DHRS7C: variants seen among roughly 807,000 people sequenced by gnomAD.
DHRS7C encodes the protein dehydrogenase/reductase SDR family member 7C.
DHRS7C carries 28 observed loss-of-function variants against 29.6 expected under a neutral mutation model. The observed-to-expected ratio is 0.95, with a 90% CI of 0.70 to 1.30. The LOEUF (loss-of-function observed/expected upper bound fraction) is 1.30. DHRS7C is among the 50% of genes most tolerant of loss of function. The pLI, the probability that DHRS7C is intolerant of heterozygous loss-of-function variation, is 0.00. For missense variants in DHRS7C, 403 were observed against 393.3 expected (o/e 1.02, Z -0.21); for synonymous variants, 158 against 160.2 (o/e 0.99, Z 0.10).
intron 4 of DHRS7C, 67 bp from the exon 5 acceptor site, chr17:9,772,989 G>A (rs2066340624): frequency 1.3e-6 from 2 of 1,572,322 alleles, no homozygotes; most frequent in Non-Finnish European, 8.6e-7. Context: ...TGGGCGCATT[G>A]GAGGCAGGAG....
At chr17:9,777,336 G>T in intron 3 of DHRS7C, 51 bp from the exon 4 acceptor site, 1 of 1,496,726 alleles carries the variant, frequency 6.7e-7, no homozygotes, top group South Asian at 1.2e-5. Context: ...GACTGAGTTA[G>T]GCAGCAGCAG....
intron 1 of DHRS7C, among the ~76,000 whole-genome samples, chr17:9,786,223 A>T (rs997400031): frequency 6.6e-6 from 1 of 151,820 alleles, no homozygotes; most frequent in Non-Finnish European, 1.5e-5. Flanking sequence ...GCTACTCCGG[A>T]GGCTGAGGCA....
chr17:9,786,323 G>T (rs918778278), intron 1 of DHRS7C, among the ~76,000 whole-genome samples: 1 of 128,588 alleles, frequency 7.8e-6, no homozygotes, highest in East Asian at 2.2e-4. Flanking sequence ...GCAAAACTCC[G>T]TCTCAAATAA....
chr17:9,791,304 G>T lies in DHRS7C; in HGVS notation c.-20C>A, dbSNP rs777545444. On this transcript the variant is annotated 5_prime_UTR_variant, in exon 1 of 6. Transcript: ENST00000571134. The stretch of plus-strand genomic sequence containing the variant: ...TCCCATCTTGTTCTGGGGGACAACG[G>T]AGTAAAAGGGGATTGGCTTTGCAAA... 6.2e-7 allele frequency: 1 copy of T among 1,612,306 alleles called. No homozygotes were observed. The highest frequency in any genetic ancestry group is 8.5e-7 in the Non-Finnish European group (1 of 1,179,200).
Position 9,774,799 on chromosome 17 carries a change from A to G in DHRS7C, c.572-1877T>C, listed in dbSNP as rs1359623262. On this transcript the variant is annotated intron_variant, in intron 4 of 5. Coordinates refer to ENST00000571134, the MANE Select transcript of DHRS7C (RefSeq NM_001105571.3). The surrounding 1 kb of genome is among the most constrained non-coding windows in gnomAD (Gnocchi z 5.0). ...AGAAACCTCTGAGTCGGCAGACCCC[A>G]GGTCACTCCCACGCCAGCTCCTTGT... 2.6e-5 allele frequency among the ~76,000 whole-genome samples: 4 copies of G among 152,180 alleles called. No individual in the cohort carries two copies. Among genetic ancestry groups the G allele is most frequent in the Admixed American group, 6.5e-5 (1 of 15,282 alleles).
At position 9,771,498 on chromosome 17, in the gene DHRS7C, T is replaced by C. The variant is rs1302873274; in HGVS notation, c.926A>G (p.Glu309Gly). The C allele has an allele frequency of 1.3e-6, 2 of 1,535,002 alleles. No homozygotes were observed. Among genetic ancestry groups the C allele is most frequent in the East Asian group, 2.4e-5 (1 of 41,698 alleles). The change falls in exon 6 of 6, where the codon GAG becomes GGG. Residue 309 changes from glutamate (E) to glycine (G), a missense_variant. Glu to Gly is a moderately conservative substitution (Grantham distance 98). Transcript: ENST00000571134. ...TTTGGCCTCCTGCAGTTACCCCTCC[T>C]CCGGGACATTGAGCTTCTCCTTCAC... ...CGVKEKLNVP[E>G]EG
intron 4 of DHRS7C, among the ~76,000 whole-genome samples, chr17:9,773,749 G>C (rs1223711530): frequency 2.5e-5 from 3 of 117,690 alleles, no homozygotes; most frequent in African/African-American, 9.5e-5. Context: ...TTTTGAGACG[G>C]CGTCTCACTC....
chr17:9,782,718 T>C (rs956527871), intron 1 of DHRS7C, among the ~76,000 whole-genome samples: 5 of 152,212 alleles, frequency 3.3e-5, no homozygotes, highest in African/African-American at 1.2e-4. Flanking sequence ...ACTGACCAAA[T>C]ACAGGGATCT....
intron 3 of DHRS7C, among the ~76,000 whole-genome samples, chr17:9,779,170 CTA>C (rs2066379476): frequency 6.6e-6 from 1 of 152,162 alleles, no homozygotes; most frequent in African/African-American, 2.4e-5. Context: ...CTATTCTACT[CTA>C]TGGTCATTTC....
chr17:9,784,490 A>G (rs1471498141), intron 1 of DHRS7C, among the ~76,000 whole-genome samples: 1 of 152,138 alleles, frequency 6.6e-6, no homozygotes, highest in East Asian at 1.9e-4. Flanking sequence ...AAAACAAAAC[A>G]AAACAGAAAA....
At chr17:9,777,575 T>C (rs1275133733) in intron 3 of DHRS7C, among the ~76,000 whole-genome samples, 1 of 152,184 alleles carries the variant, frequency 6.6e-6, no homozygotes, top group African/African-American at 2.4e-5. Context: ...TTTATTTTAT[T>C]TTCCTCTCAA....
Position 9,773,013 on chromosome 17 carries a change from ATTT to A in DHRS7C, c.572-94_572-92del. ...TGGAGGCAGGAGGGCCGACAGACAC[ATTT>A]CCTACAGGCGCAGAGCTGGGAAGAT... On this transcript the variant is annotated intron_variant, in intron 4 of 5. Coordinates refer to ENST00000571134, the MANE Select transcript of DHRS7C (RefSeq NM_001105571.3). 3 of 1,477,160 alleles carry A rather than the reference ATTT, an allele frequency of 2.0e-6. No homozygotes were observed. The South Asian group carries it at 3.7e-5, about 18-fold the overall frequency. The allele number at this position is 1,477,160 out of a possible 1,614,324, so 91.5% of individuals were successfully genotyped here.
rs767208328 is a variant in DHRS7C, at chr17:9,771,494, C to T, written c.930G>A (p.Glu310=). ...CCCATTTGGCCTCCTGCAGTTACCC[C>T]TCCTCCGGGACATTGAGCTTCTCCT... ...GVKEKLNVPE[E]G The change falls in exon 6 of 6, where the codon GAG becomes GAA. Residue 310 remains glutamate (E), a synonymous_variant. Transcript: ENST00000571134. 4 of 1,524,548 alleles carry T rather than the reference C, an allele frequency of 2.6e-6. No homozygotes were observed. The highest frequency in any genetic ancestry group is 3.5e-6 in the Non-Finnish European group (4 of 1,133,070). 94.4% of individuals were successfully genotyped at this position (1,524,548 alleles called of 1,614,324 possible).
At position 9,774,322 on chromosome 17, in the gene DHRS7C, T is replaced by C. The variant is rs112297262; in HGVS notation, c.572-1400A>G. 0.012 allele frequency among the ~76,000 whole-genome samples: 1,829 copies of C among 152,260 alleles called. 35 individuals are homozygous for C. The highest frequency in any genetic ancestry group is 0.041 in the African/African-American group (1,686 of 41,558). Reference sequence around the variant, plus strand: ...TGTTTTGAGAGGGAGTCTTGCTCTGTTGTCCGGGCTGGAGTACAGTGGCTC... The same window carrying C: ...TGTTTTGAGAGGGAGTCTTGCTCTGCTGTCCGGGCTGGAGTACAGTGGCTC... On this transcript the variant is annotated intron_variant, in intron 4 of 5. Transcript: ENST00000571134. This position sits in a 1 kb window ranked among gnomAD's most constrained non-coding sequence, Gnocchi z 5.0.
At chr17:9,773,255 C>T (rs1240130049) in intron 4 of DHRS7C, among the ~76,000 whole-genome samples, 8 of 152,110 alleles carry the variant, frequency 5.3e-5, no homozygotes, top group African/African-American at 1.4e-4. Flanking sequence ...AATGAGAAAA[C>T]ATACAGAATG....
chr17:9,777,274 TG>T lies in DHRS7C; in HGVS notation c.489del (p.Asn164ThrfsTer2), dbSNP rs1443200431. The T allele has an allele frequency of 6.2e-7, 1 of 1,613,424 alleles. No homozygotes were observed. Among genetic ancestry groups the T allele is most frequent in the African/African-American group, 1.3e-5 (1 of 74,904 alleles). ...TGGCCTGTTCTCCGGGAGATCATGT[TG>T]GGAAGCAGGGCTGGAAAACACAGGA... ...GPITLTKALLPNMISRRTGQI... is the reference protein window; with the variant it reads ...GPITLTKALLXNMISRRTGQI... On this transcript the variant is annotated frameshift_variant, in exon 4 of 6. Transcript: ENST00000571134. LOFTEE classifies it high-confidence loss of function.
At position 9,775,731 on chromosome 17, in the gene DHRS7C, C is replaced by T. The variant is rs527962841; in HGVS notation, c.571+1462G>A. ...ATGGAAAAAGGAAGGTAAAACACTA[C>T]TAGAGCGGGTGTTATGGGTTGAATT... On this transcript the variant is annotated intron_variant, in intron 4 of 5. Coordinates refer to ENST00000571134, the MANE Select transcript of DHRS7C (RefSeq NM_001105571.3). This position sits in a 1 kb window ranked among gnomAD's most constrained non-coding sequence, Gnocchi z 4.2. 1.3e-4 allele frequency among the ~76,000 whole-genome samples: 20 copies of T among 152,296 alleles called. No homozygotes were observed. Among genetic ancestry groups the T allele is most frequent in the African/African-American group, 4.6e-4 (19 of 41,564 alleles).
At chr17:9,773,741 T>TTTTTTTTTTTTC (rs57969612) in intron 4 of DHRS7C, among the ~76,000 whole-genome samples, 1 of 129,290 alleles carries the variant, frequency 7.7e-6, no homozygotes, top group African/African-American at 3.2e-5. Context: ...TTTTTTTTTT[T>TTTTTTTTTTTTC]TGAGACGGCG....
At position 9,781,573 on chromosome 17, in the gene DHRS7C, G is replaced by T; in HGVS notation, c.176C>A (p.Thr59Lys). 2 of 1,613,634 alleles carry T rather than the reference G, an allele frequency of 1.2e-6. No homozygotes were observed. Among genetic ancestry groups the T allele is most frequent in the Non-Finnish European group, 1.7e-6 (2 of 1,179,860 alleles). Residue 59 changes from threonine (T) to lysine (K), a missense_variant, in exon 2 of 6, where the codon ACA (threonine) becomes AAA (lysine). Transcript: ENST00000571134. The stretch of plus-strand genomic sequence containing the variant: ...ACACAGCACCAGCCTTGCCCCACCT[G>T]TGTGGAACACCCGAGCACACTCTGT... ...LGKECARVFH[T>K]GGARLVLCGK...
Sources: allele counts gnomAD v4.1 joint callset (sites outside exome capture counted in the v4.1 genomes callset), GRCh38; gene constraint gnomAD v4.1.1; non-coding constraint Gnocchi (gnomAD v3.1); transcripts MANE v1.5; gene names NCBI Gene and HGNC (gene_info 2026-07-23, HGNC 2026-07-21).